Variants in ATP6V1C2 observed in about 807,000 individuals in gnomAD.
The protein encoded by ATP6V1C2 is V-type proton ATPase subunit C 2.
ATP6V1C2 carries 45 observed loss-of-function variants against 56.8 expected under a neutral mutation model. That is an observed-to-expected ratio of 0.79 (90% CI 0.62 to 1.02). The LOEUF (loss-of-function observed/expected upper bound fraction) is 1.02, where lower values mean the gene tolerates loss of function less well. Ranked by LOEUF, ATP6V1C2 falls within the 50% of genes least tolerant of loss-of-function variation. The pLI is 0.00. For missense variants in ATP6V1C2, 463 were observed against 519.7 expected, an observed-to-expected ratio of 0.89 and a Z score of 1.06; for synonymous variants, 220 against 201.3, an observed-to-expected ratio of 1.09 and a Z score of -0.79.
chr2:10,743,602 G>T (rs1662682442), intron 3 of ATP6V1C2, among the ~76,000 whole-genome samples: 1 of 151,486 alleles, frequency 6.6e-6, no homozygotes, highest in African/African-American at 2.4e-5. Flanking sequence ...CCCAGCACTA[G>T]GGAGGCCAAG....
chr2:10,782,167 C>G, intron 12 of ATP6V1C2, 76 bp from the exon 13 acceptor site: 1 of 1,547,332 alleles, frequency 6.5e-7, no homozygotes, highest in Non-Finnish European at 8.8e-7. Flanking sequence ...TCGGAATGTA[C>G]TGTTTCTGGT....
In ATP6V1C2 at chr2:10,768,790, G is replaced by A. The variant is rs1391092312; in HGVS notation, c.450G>A (p.Glu150=). ...ACAACACTCTGAAGACAAACCTGGA[G>A]AACCTGGAAAAGAAATCCATGTGTG... ...AAYNTLKTNL[E]NLEKKSMGNL... is the part of the protein sequence containing the mutation. Residue 150 remains glutamate, a synonymous_variant, in exon 6 of 14, where the codon GAG becomes GAA. Coordinates refer to ENST00000272238, the MANE Select transcript of ATP6V1C2 (RefSeq NM_001039362.2). 1.9e-6 allele frequency: 3 copies of A among 1,613,798 alleles called. No individual in the cohort carries two copies. Among genetic ancestry groups the A allele is most frequent in the East Asian group, 2.2e-5 (1 of 44,896 alleles).
At chr2:10,776,626 C>T (rs948257992) in intron 10 of ATP6V1C2, among the ~76,000 whole-genome samples, 1 of 152,234 alleles carries the variant, frequency 6.6e-6, no homozygotes, top group African/African-American at 2.4e-5. Flanking sequence ...TCGATTCAGT[C>T]CTGGTCCCAA....
chr2:10,754,090 T>G (rs1461588966), intron 4 of ATP6V1C2, 24 bp downstream of exon 4: 1 of 1,571,486 alleles, frequency 6.4e-7, no homozygotes, highest in African/African-American at 1.4e-5. Flanking sequence ...CCCTCTGATG[T>G]GGAGCACAAT....
At chr2:10,759,717 G>A (rs1191240686) in intron 4 of ATP6V1C2, among the ~76,000 whole-genome samples, 3 of 152,110 alleles carry the variant, frequency 2.0e-5, no homozygotes, top group Admixed American at 6.5e-5. Flanking sequence ...GGTGGCTCAC[G>A]CCTGTAATCC....
intron 4 of ATP6V1C2, among the ~76,000 whole-genome samples, chr2:10,761,211 C>A (rs1028785907): frequency 3.9e-5 from 6 of 151,920 alleles, no homozygotes; most frequent in African/African-American, 1.5e-4. Context: ...TCAGAGGGGA[C>A]GGGGTAGGAG....
intron 3 of ATP6V1C2, among the ~76,000 whole-genome samples, chr2:10,734,189 C>G (rs1446574313): frequency 6.6e-6 from 1 of 152,074 alleles, no homozygotes; most frequent in Non-Finnish European, 1.5e-5. Context: ...GTCTGCTGGG[C>G]TCCCACTTTC....
rs1457699846 is a variant in ATP6V1C2 at position 10,782,277 on chromosome 2, C to T, written c.1096C>T (p.Leu366=). 1 of 1,614,188 alleles carries T rather than the reference C, an allele frequency of 6.2e-7. No individual in the cohort carries two copies. The highest frequency in any genetic ancestry group is 1.7e-5 in the Admixed American group (1 of 60,016). ...ACCAGTGAACTTCCAGGCAGTGCTC[C>T]TGCAGCCGCATAAGAAGTCATCCAC... is the stretch of plus-strand genomic sequence containing the variant. The part of the protein sequence containing the change: ...GLPVNFQAVL[L]QPHKKSSTKR... The change falls in exon 13 of 14, where the codon CTG becomes TTG. Residue 366 remains leucine (L), a synonymous_variant. Coordinates refer to ENST00000272238, the MANE Select transcript of ATP6V1C2 (RefSeq NM_001039362.2).
At chr2:10,771,999 T>C (rs1664641696) in intron 7 of ATP6V1C2, 62 bp downstream of exon 7, 1 of 1,445,962 alleles carries the variant, frequency 6.9e-7, no homozygotes, top group African/African-American at 1.4e-5. Context: ...GGTGGACCCG[T>C]TGGTGACTTG....
chr2:10,764,398 C>A lies in ATP6V1C2; in HGVS notation c.351C>A (p.Leu117=), dbSNP rs143556651. 2 of 1,614,074 alleles carry A rather than the reference C, an allele frequency of 1.2e-6. No homozygotes were observed. Among genetic ancestry groups the A allele is most frequent in the African/African-American group, 2.7e-5 (2 of 75,052 alleles). ...CCAAATATCCTGTCAAGCAGCCGCT[C>A]GTGAGTGTGGTGGACACAATAGCCA... is the stretch of plus-strand genomic sequence containing the variant. ...DMAKYPVKQP[L]VSVVDTIAKQ... is the part of the protein sequence containing the mutation. The change falls in exon 5 of 14, where the codon CTC becomes CTA. Residue 117 remains leucine, a synonymous_variant. Coordinates refer to ENST00000272238, the MANE Select transcript of ATP6V1C2 (RefSeq NM_001039362.2).
chr2:10,734,588 C>T (rs551156811), intron 3 of ATP6V1C2, among the ~76,000 whole-genome samples: 1 of 152,158 alleles, frequency 6.6e-6, no homozygotes, highest in South Asian at 2.1e-4. Context: ...AATGAGGAAA[C>T]AGGCCCAGAG....
At chr2:10,770,308 G>C (rs1558419116) in intron 6 of ATP6V1C2, among the ~76,000 whole-genome samples, 1 of 152,204 alleles carries the variant, frequency 6.6e-6, no homozygotes, top group African/African-American at 2.4e-5. Flanking sequence ...TGAGGCAGGA[G>C]AATCGCTTGA....
intron 3 of ATP6V1C2, among the ~76,000 whole-genome samples, chr2:10,730,425 A>T (rs1226007958): frequency 6.6e-6 from 1 of 151,494 alleles, no homozygotes; most frequent in Non-Finnish European, 1.5e-5. Flanking sequence ...CACTTTGAGG[A>T]TTTCTAATCT....
intron 7 of ATP6V1C2, among the ~76,000 whole-genome samples, chr2:10,772,172 A>G (rs1325532771): frequency 1.3e-5 from 2 of 152,188 alleles, no homozygotes; most frequent in Admixed American, 1.3e-4. Flanking sequence ...TATATACCCA[A>G]TGTGTGGTCG....
chr2:10,777,770 G>T, intron 11 of ATP6V1C2, 48 bp downstream of exon 11: 1 of 1,566,080 alleles, frequency 6.4e-7, no homozygotes, highest in Non-Finnish European at 8.6e-7. Context: ...ACATCTCCTC[G>T]CCAGCTCAGG....
rs896792358 is a variant in ATP6V1C2 at position 10,763,949 on chromosome 2, A to G, written c.284-382A>G. Among the ~76,000 whole-genome samples the G allele has an allele frequency of 6.6e-6, 1 of 152,240 alleles. No homozygotes were observed. The highest frequency in any genetic ancestry group is 1.5e-5 in the Non-Finnish European group (1 of 68,044). Reference sequence around the variant, plus strand: ...GGTTTTGGGGAAAGAAAAGAAAAAAAGGAAATGCTTGAAAACACTGGTGTG... The same window carrying G: ...GGTTTTGGGGAAAGAAAAGAAAAAAGGGAAATGCTTGAAAACACTGGTGTG... On this transcript the variant is annotated intron_variant, in intron 4 of 13. Coordinates refer to ENST00000272238, the MANE Select transcript of ATP6V1C2 (RefSeq NM_001039362.2). The surrounding 1 kb of genome is among the most constrained non-coding windows in gnomAD (Gnocchi z 4.2).
intron 3 of ATP6V1C2, among the ~76,000 whole-genome samples, chr2:10,734,295 C>T (rs1388063773): frequency 6.6e-6 from 1 of 152,148 alleles, no homozygotes; most frequent in Non-Finnish European, 1.5e-5. Flanking sequence ...CTCTTTTCCC[C>T]ACCTCTTCCC....
chr2:10,724,900 C>T (rs1250723264), intron 2 of ATP6V1C2, among the ~76,000 whole-genome samples: 4 of 151,864 alleles, frequency 2.6e-5, no homozygotes, highest in Non-Finnish European at 5.9e-5. Flanking sequence ...CTCAAACCTT[C>T]GGCCTCCCAA....
At chr2:10,772,730 C>G (rs1039898580) in intron 8 of ATP6V1C2, 120 bp downstream of exon 8, 3 of 837,970 alleles carry the variant, frequency 3.6e-6, no homozygotes, top group Non-Finnish European at 6.1e-6. Flanking sequence ...ACACCTGGGC[C>G]CTCTCCTGTC....
Sources: allele counts gnomAD v4.1 joint callset (sites outside exome capture counted in the v4.1 genomes callset), GRCh38; gene constraint gnomAD v4.1.1; non-coding constraint Gnocchi (gnomAD v3.1); transcripts MANE v1.5; gene names NCBI Gene and HGNC (gene_info 2026-07-23, HGNC 2026-07-21).